STON2: variants seen among roughly 807,000 people sequenced by gnomAD.
STON2 encodes stonin 2, also known as stonin-2.
In STON2, 29 loss-of-function variants were observed where a neutral mutation model predicts 65.7. That is an observed-to-expected ratio of 0.44 (90% CI 0.33 to 0.60). The LOEUF (loss-of-function observed/expected upper bound fraction) is 0.60. Among genes scored for constraint, STON2 ranks in the 20% least tolerant of loss-of-function variants. STON2 has a pLI of 0.03. For synonymous variants in STON2, 404 were observed against 414.2 expected (o/e 0.98, Z 0.30); for missense variants, 1,054 against 1,118.1 (o/e 0.94, Z 0.82).
intron 4 of STON2, among the ~76,000 whole-genome samples, chr14:81,350,697 T>C (rs897949045): frequency 6.6e-6 from 1 of 152,098 alleles, no homozygotes; most frequent in Non-Finnish European, 1.5e-5. Flanking sequence ...ACTTTAAAGG[T>C]CTGAGATGCT....
At chr14:81,342,283 C>CA (rs1295250455) in intron 4 of STON2, among the ~76,000 whole-genome samples, 1 of 151,854 alleles carries the variant, frequency 6.6e-6, no homozygotes, top group Non-Finnish European at 1.5e-5. Flanking sequence ...TGCAGGCACC[C>CA]ACAACCACGC....
chr14:81,276,992 A>T lies in STON2; in HGVS notation c.2490T>A (p.Pro830=), dbSNP rs748569492. 1 of 1,614,246 alleles carries T rather than the reference A, an allele frequency of 6.2e-7. No homozygotes were observed. The highest frequency in any genetic ancestry group is 1.3e-5 in the African/African-American group (1 of 75,058). ...CAGTTCCCAGAGTTACTCTCATGAC[A>T]GGCTCAGAGCCAGAAACACTAGTGG... is the stretch of plus-strand genomic sequence containing the variant. ...FGSTSVSGSE[P]VMRVTLGTAK... is the part of the protein sequence containing the mutation. The change falls in exon 6 of 8, where the codon CCT becomes CCA. Residue 830 remains proline (P), a synonymous_variant. Coordinates refer to ENST00000614646, the MANE Select transcript of STON2 (RefSeq NM_001394390.1).
At chr14:81,381,741 C>T (rs1899528828) in intron 3 of STON2, among the ~76,000 whole-genome samples, 1 of 152,042 alleles carries the variant, frequency 6.6e-6, no homozygotes, top group Admixed American at 6.6e-5. Flanking sequence ...TAACTAGAAA[C>T]CACTTTAGAA....
rs78970076 is a variant in STON2, at chr14:81,277,169, G to A, written c.2313C>T (p.Ser771=). The A allele has an allele frequency of 1.7e-4, 278 of 1,614,186 alleles. 2 individuals carry two copies. In the African/African-American group the frequency reaches 2.7e-3, roughly 15 times the overall value. ...CCTGAGTGAGGGGGTCACGATTGGCGGAGAAGCCAGTTGACATCCTCAGCC... is the reference window on the plus strand; with the variant it reads ...CCTGAGTGAGGGGGTCACGATTGGCAGAGAAGCCAGTTGACATCCTCAGCC... ...QSWLRMSTGF[S]ANRDPLTQVP... The change falls in exon 6 of 8, where the codon TCC becomes TCT. Residue 771 remains serine, a synonymous_variant. Coordinates refer to ENST00000614646, the MANE Select transcript of STON2 (RefSeq NM_001394390.1).
At chr14:81,417,237 G>A (rs921515945) in intron 2 of STON2, among the ~76,000 whole-genome samples, 28 of 152,078 alleles carry the variant, frequency 1.8e-4, no homozygotes, top group African/African-American at 6.5e-4. Flanking sequence ...CAAAAACCAC[G>A]TTCTCTTATC....
chr14:81,333,686 G>A (rs2140274413), intron 4 of STON2, among the ~76,000 whole-genome samples: 1 of 152,272 alleles, frequency 6.6e-6, no homozygotes, highest in South Asian at 2.1e-4. Flanking sequence ...AAGAACTTGA[G>A]CTTCACTTGG....
In STON2 at chr14:81,267,523, G is replaced by A; in HGVS notation, c.*891C>T. ...CAAATGCCCCTTACAAATGCCTCAG[G>A]TATTATGTATATTTGTTTCAGGAAT... On this transcript the variant is annotated 3_prime_UTR_variant, in exon 8 of 8. Coordinates refer to ENST00000614646, the MANE Select transcript of STON2 (RefSeq NM_001394390.1). 1.0e-6 allele frequency: 1 copy of A among 985,282 alleles called. No individual in the cohort carries two copies. The highest frequency in any genetic ancestry group is 1.2e-6 in the Non-Finnish European group (1 of 829,824). 61.0% of individuals were successfully genotyped at this position (985,282 alleles called of 1,614,324 possible). A position where few individuals can be genotyped will look rare whatever the true frequency, so the allele number is the denominator to read the frequency against.
chr14:81,378,551 A>G (rs1899361260), intron 3 of STON2, among the ~76,000 whole-genome samples: 2 of 152,028 alleles, frequency 1.3e-5, no homozygotes, highest in African/African-American at 4.8e-5. Flanking sequence ...GTTTGAAAAT[A>G]TTTTCTCCCA....
intron 3 of STON2, among the ~76,000 whole-genome samples, chr14:81,393,046 T>A (rs1443912461): frequency 6.6e-6 from 1 of 152,210 alleles, no homozygotes; most frequent in African/African-American, 2.4e-5. Flanking sequence ...TGGGCCAGAC[T>A]GTGAATTGCT....
chr14:81,365,898 G>A (rs1285925224), intron 4 of STON2, among the ~76,000 whole-genome samples: 2 of 152,084 alleles, frequency 1.3e-5, no homozygotes, highest in African/African-American at 2.4e-5. Flanking sequence ...TTATTCCCTC[G>A]ACCCTCTTAC....
At chr14:81,400,986 C>G (rs1362189340), upstream of STON2, among the ~76,000 whole-genome samples, 1 of 152,210 alleles carries the variant, frequency 6.6e-6, no homozygotes. Context: ...GGTGACCTTA[C>G]AGAGGGCTTA....
intron 4 of STON2, among the ~76,000 whole-genome samples, chr14:81,356,521 A>C (rs1898240985): frequency 6.6e-6 from 1 of 152,108 alleles, no homozygotes; most frequent in South Asian, 2.1e-4. Context: ...TGCTGGCCTC[A>C]TAAAATGAGT....
At chr14:81,337,108 C>T (rs1465981463) in intron 4 of STON2, among the ~76,000 whole-genome samples, 1 of 152,144 alleles carries the variant, frequency 6.6e-6, no homozygotes, top group Non-Finnish European at 1.5e-5. Flanking sequence ...TGGCAAATGG[C>T]GGTGCTCAAC....
chr14:81,265,792 G>A lies in STON2; in HGVS notation c.*2622C>T. 3 of 985,174 alleles carry A rather than the reference G, an allele frequency of 3.0e-6. No individual in the cohort carries two copies. Among genetic ancestry groups the A allele is most frequent in the Non-Finnish European group, 3.6e-6 (3 of 829,878 alleles). The allele number at this position is 985,174 out of a possible 1,614,324, so 61.0% of individuals were successfully genotyped here. On this transcript the variant is annotated 3_prime_UTR_variant, in exon 8 of 8. Transcript: ENST00000614646. ...AAAAAGTCCAGGTGCATGTACACAG[G>A]AAATGAGAATTTACCATGGGGGGCG... is the stretch of plus-strand genomic sequence containing the variant.
rs770034606 is a variant in STON2 at position 81,270,844 on chromosome 14, G to A, written c.2610C>T (p.Cys870=). 13 of 1,613,460 alleles carry A rather than the reference G, an allele frequency of 8.1e-6. No individual in the cohort carries two copies. The highest frequency in any genetic ancestry group is 7.6e-6 in the Non-Finnish European group (9 of 1,180,018). The part of the protein sequence containing the change: ...SASGHPHCFF[C]HLELGSDREV... ...CCCGGTCAGAGCCGAGTTCAAGGTG[G>A]CAAAAGAAACAGTGTGGGTGACCGG... The change falls in exon 7 of 8, where the codon TGC becomes TGT. Residue 870 remains cysteine (C), a synonymous_variant. Transcript: ENST00000614646.
chr14:81,316,712 T>A (rs1319018938), intron 5 of STON2, among the ~76,000 whole-genome samples: 1 of 152,194 alleles, frequency 6.6e-6, no homozygotes, highest in Admixed American at 6.5e-5. Flanking sequence ...GACCTGAGAC[T>A]GGGTAATTTA....
At chr14:81,426,575 T>G (rs1365669632) in intron 2 of STON2, among the ~76,000 whole-genome samples, 1 of 152,012 alleles carries the variant, frequency 6.6e-6, no homozygotes, top group Non-Finnish European at 1.5e-5. Context: ...ACTTAACGCA[T>G]CCAGATTTGA....
At chr14:81,298,209 G>A (rs1895836538) in intron 5 of STON2, among the ~76,000 whole-genome samples, 1 of 152,112 alleles carries the variant, frequency 6.6e-6, no homozygotes, top group South Asian at 2.1e-4. Context: ...CTAGATGCGG[G>A]TGCCCTTCCA....
chr14:81,396,293 T>C, intron 2 of STON2, 115 bp from the exon 3 acceptor site: 3 of 931,234 alleles, frequency 3.2e-6, no homozygotes, highest in Non-Finnish European at 4.8e-6. Flanking sequence ...GCCACTGCAG[T>C]GAGTGGGGAG....
Sources: allele counts gnomAD v4.1 joint callset (sites outside exome capture counted in the v4.1 genomes callset), GRCh38; gene constraint gnomAD v4.1.1; transcripts MANE v1.5; gene names NCBI Gene and HGNC (gene_info 2026-07-23, HGNC 2026-07-21).